Variants in TRIM54 observed in about 807,000 individuals in gnomAD.
TRIM54 encodes tripartite motif-containing protein 54.
In TRIM54, 40 loss-of-function variants were observed where a neutral mutation model predicts 42.0. The observed-to-expected ratio is 0.95, with a 90% CI of 0.74 to 1.24. TRIM54 has a LOEUF of 1.24. Ranked by LOEUF, TRIM54 falls within the 50% of genes most tolerant of loss-of-function variation. The pLI is 0.00. For synonymous variants in TRIM54, 199 were observed against 194.9 expected (o/e 1.02, Z -0.17); for missense variants, 485 against 480.3 (o/e 1.01, Z -0.09).
At chr2:27,294,776 G>A (rs1266203761) in intron 1 of TRIM54, among the ~76,000 whole-genome samples, 4 of 151,096 alleles carry the variant, frequency 2.6e-5, no homozygotes, top group African/African-American at 9.7e-5. Flanking sequence ...TGTAGTCCCA[G>A]CTGCTTGGGA....
intron 1 of TRIM54, among the ~76,000 whole-genome samples, chr2:27,289,084 A>T (rs148305277): frequency 6.6e-6 from 1 of 152,242 alleles, no homozygotes; most frequent in Non-Finnish European, 1.5e-5. Context: ...GGAAGTTGTC[A>T]TGTATCCCTT....
At chr2:27,283,023 T>G in intron 1 of TRIM54, 124 bp downstream of exon 1, 1 of 1,139,256 alleles carries the variant, frequency 8.8e-7, no homozygotes, top group South Asian at 1.7e-5. Flanking sequence ...TGGTGGCTGT[T>G]GTGGCTGGAG....
intron 1 of TRIM54, among the ~76,000 whole-genome samples, chr2:27,291,270 A>G (rs1572520554): frequency 6.6e-6 from 1 of 152,094 alleles, no homozygotes; most frequent in African/African-American, 2.4e-5. Flanking sequence ...CTGGAGAATC[A>G]CTTGAGCCCG....
At chr2:27,285,014 T>G (rs1345249578) in intron 1 of TRIM54, among the ~76,000 whole-genome samples, 1 of 152,206 alleles carries the variant, frequency 6.6e-6, no homozygotes, top group Non-Finnish European at 1.5e-5. Context: ...GGGCAAATCC[T>G]GTACAGAATA....
At chr2:27,289,860 C>CTTTTTTTTTTTTT (rs756771152) in intron 1 of TRIM54, among the ~76,000 whole-genome samples, 1 of 100,608 alleles carries the variant, frequency 9.9e-6, no homozygotes, top group African/African-American at 4.0e-5. Flanking sequence ...CTCTCTTTCT[C>CTTTTTTTTTTTTT]TTTTTTTTTT....
Position 27,307,269 on chromosome 2 carries a change from T to A in TRIM54, c.*384T>A. 1.7e-6 allele frequency: 1 copy of A among 601,458 alleles called. No individual in the cohort carries two copies. The highest frequency in any genetic ancestry group is 1.9e-5 in the African/African-American group (1 of 52,466). The allele number at this position is 601,458 out of a possible 1,614,324, so 37.3% of individuals were successfully genotyped here. On this transcript the variant is annotated 3_prime_UTR_variant, in exon 9 of 9. Coordinates refer to ENST00000380075, the MANE Select transcript of TRIM54 (RefSeq NM_187841.3). This position sits in a 1 kb window ranked among gnomAD's most constrained non-coding sequence, Gnocchi z 6.9. ...CCCTTGGGGTCCACATGCACCTGGC[T>A]GACCTGGCTGAAAGCCGCTGTCTCG...
At chr2:27,292,436 T>C (rs1192109905) in intron 1 of TRIM54, among the ~76,000 whole-genome samples, 2 of 152,062 alleles carry the variant, frequency 1.3e-5, no homozygotes, top group Admixed American at 1.3e-4. Context: ...TAGCTGGGCA[T>C]GGTGGCACAC....
In TRIM54 at chr2:27,306,465, G is replaced by A. The variant is rs761097082; in HGVS notation, c.1001G>A (p.Gly334Glu). The change falls in exon 8 of 9, where the codon GGG (glycine) becomes GAG (glutamate). Residue 334 changes from glycine to glutamate, a missense_variant. Gly to Glu is a moderately conservative substitution (Grantham distance 98). Transcript: ENST00000380075. This position sits in a 1 kb window ranked among gnomAD's most constrained non-coding sequence, Gnocchi z 6.1. ...CCTTCCTTGGGCTCAGGCGCTTCCGGGGAGGAAGAGGAGGTGGCCCCAGAC... is the reference window on the plus strand; with the variant it reads ...CCTTCCTTGGGCTCAGGCGCTTCCGAGGAGGAAGAGGAGGTGGCCCCAGAC... Reference protein sequence around the residue: ...RTIDFQPGASGEEEEVAPDGE... With the variant: ...RTIDFQPGASEEEEEVAPDGE... 1 of 1,595,216 alleles carries A rather than the reference G, an allele frequency of 6.3e-7. No homozygotes were observed. The highest frequency in any genetic ancestry group is 1.3e-5 in the African/African-American group (1 of 74,684).
At chr2:27,292,341 T>A (rs1252767755) in intron 1 of TRIM54, among the ~76,000 whole-genome samples, 1 of 152,182 alleles carries the variant, frequency 6.6e-6, no homozygotes. Flanking sequence ...GAGGCTGAGG[T>A]AGGAGGATCG....
At chr2:27,303,537 G>A (rs528442395) in intron 3 of TRIM54, among the ~76,000 whole-genome samples, 8 of 151,308 alleles carry the variant, frequency 5.3e-5, no homozygotes, top group East Asian at 1.9e-4. Context: ...GCAACAGGGA[G>A]AGACTCCGTC....
intron 2 of TRIM54, 83 bp from the exon 3 acceptor site, chr2:27,299,162 G>C: frequency 6.7e-7 from 1 of 1,499,694 alleles, no homozygotes; most frequent in African/African-American, 1.4e-5. Flanking sequence ...AGAAGGTGGT[G>C]GCAGTTGGTG....
At chr2:27,290,030 C>A (rs1678676569) in intron 1 of TRIM54, among the ~76,000 whole-genome samples, 2 of 151,800 alleles carry the variant, frequency 1.3e-5, no homozygotes, top group African/African-American at 2.4e-5. Context: ...AGCTACCATG[C>A]CTGGCTAATT....
In TRIM54 at chr2:27,307,377, C is replaced by T. The variant is rs1679256941; in HGVS notation, c.*492C>T. ...GGGTTCCCACGCTGCTGTGACTGCC[C>T]TGCCTCTACGACAAAAGCCAACGGG... On this transcript the variant is annotated 3_prime_UTR_variant, in exon 9 of 9. Transcript: ENST00000380075. This position sits in a 1 kb window ranked among gnomAD's most constrained non-coding sequence, Gnocchi z 6.9. The T allele has an allele frequency of 1.4e-6, 2 of 1,383,664 alleles. No homozygotes were observed. The highest frequency in any genetic ancestry group is 2.4e-5 in the Admixed American group (1 of 42,142). 85.7% of individuals were successfully genotyped at this position (1,383,664 alleles called of 1,614,324 possible).
chr2:27,303,768 A>G (rs938759906), intron 3 of TRIM54, among the ~76,000 whole-genome samples: 3 of 152,160 alleles, frequency 2.0e-5, no homozygotes, highest in Non-Finnish European at 4.4e-5. Flanking sequence ...CCATGAGTGA[A>G]GTCAGCAGAA....
At chr2:27,284,400 T>C (rs976780330) in intron 1 of TRIM54, among the ~76,000 whole-genome samples, 1 of 152,208 alleles carries the variant, frequency 6.6e-6, no homozygotes, top group Non-Finnish European at 1.5e-5. Context: ...GTGTGTCTGC[T>C]CTGTGCCACC....
Position 27,299,381 on chromosome 2 carries a change from G to A in TRIM54, c.478G>A (p.Val160Met), listed in dbSNP as rs1678963389. The change falls in exon 3 of 9, where the codon GTG becomes ATG. Residue 160 changes from valine (V) to methionine (M), a missense_variant. Coordinates refer to ENST00000380075, the MANE Select transcript of TRIM54 (RefSeq NM_187841.3). Reference sequence around the variant, plus strand: ...CTTCGGTGCCCACAAGGACTGTGAGGTGGCCCCACTGCCCACCATTTACAA... The same window carrying A: ...CTTCGGTGCCCACAAGGACTGTGAGATGGCCCCACTGCCCACCATTTACAA... Reference protein sequence around the residue: ...KVFGAHKDCEVAPLPTIYKRQ... With the variant: ...KVFGAHKDCEMAPLPTIYKRQ... 6.2e-7 allele frequency: 1 copy of A among 1,614,126 alleles called. No individual in the cohort carries two copies. The highest frequency in any genetic ancestry group is 8.5e-7 in the Non-Finnish European group (1 of 1,180,032).
In TRIM54 at chr2:27,307,276, G is replaced by A. The variant is rs1034883548; in HGVS notation, c.*391G>A. 6.2e-5 allele frequency: 39 copies of A among 625,478 alleles called. No homozygotes were observed. Among genetic ancestry groups the A allele is most frequent in the African/African-American group, 1.3e-4 (7 of 52,640 alleles). The allele number at this position is 625,478 out of a possible 1,614,324, so 38.7% of individuals were successfully genotyped here. The stretch of plus-strand genomic sequence containing the variant: ...GGTCCACATGCACCTGGCTGACCTG[G>A]CTGAAAGCCGCTGTCTCGGAGCCCC... On this transcript the variant is annotated 3_prime_UTR_variant, in exon 9 of 9. Transcript: ENST00000380075. The surrounding 1 kb of genome is among the most constrained non-coding windows in gnomAD (Gnocchi z 6.9).
rs1678674051 is a variant in TRIM54 at position 27,289,917 on chromosome 2, G to A, written c.168+7018G>A. On this transcript the variant is annotated intron_variant, in intron 1 of 8. Coordinates refer to ENST00000380075, the MANE Select transcript of TRIM54 (RefSeq NM_187841.3). Reference sequence around the variant, plus strand: ...GACAGAGTCTCGCTCAGTAGCCCAGGCTGGAGTGCGGTGGCTTGATTTCGG... The same window carrying A: ...GACAGAGTCTCGCTCAGTAGCCCAGACTGGAGTGCGGTGGCTTGATTTCGG... 4.2e-5 allele frequency among the ~76,000 whole-genome samples: 6 copies of A among 143,498 alleles called. No homozygotes were observed. In the Admixed American group the frequency reaches 4.3e-4, roughly 10 times the overall value. The allele number at this position is 143,498 out of a possible 152,430, so 94.1% of individuals were successfully genotyped here. A position where few individuals can be genotyped will look rare whatever the true frequency, so the allele number is the denominator to read the frequency against.
Position 27,306,792 on chromosome 2 carries a change from G to A in TRIM54, c.*2-95G>A. ...GGCAGGCAAGGCAGGCTGAGTAGAG[G>A]AGAAACCCACGTGGCGGGGGACGGA... On this transcript the variant is annotated intron_variant, in intron 8 of 8. Transcript: ENST00000380075. The surrounding 1 kb of genome is among the most constrained non-coding windows in gnomAD (Gnocchi z 6.1). 7.2e-6 allele frequency: 4 copies of A among 555,272 alleles called. No homozygotes were observed. Among genetic ancestry groups the A allele is most frequent in the Non-Finnish European group, 1.3e-5 (4 of 315,550 alleles). The allele number at this position is 555,272 out of a possible 1,614,324, so 34.4% of individuals were successfully genotyped here.
Sources: allele counts gnomAD v4.1 joint callset (sites outside exome capture counted in the v4.1 genomes callset), GRCh38; gene constraint gnomAD v4.1.1; non-coding constraint Gnocchi (gnomAD v3.1); transcripts MANE v1.5; gene names NCBI Gene and HGNC (gene_info 2026-07-23, HGNC 2026-07-21).